Variants in SLC9A8 observed in about 807,000 individuals in gnomAD.
The protein encoded by SLC9A8 is sodium/hydrogen exchanger 8.
A neutral mutation model predicts 66.6 loss-of-function variants in SLC9A8; 48 were observed. The observed-to-expected ratio is 0.72, with a 90% CI of 0.57 to 0.92. SLC9A8 has a LOEUF of 0.92. SLC9A8 is among the 40% of genes least tolerant of loss of function. The pLI is 0.00. For synonymous variants in SLC9A8, 274 were observed against 282.6 expected (o/e 0.97, Z 0.31); for missense variants, 599 against 747.3 (o/e 0.80, Z 2.31).
chr20:49,839,385 A>G (rs772658775), intron 3 of SLC9A8, among the ~76,000 whole-genome samples, 156 bp from the exon 4 acceptor site: 2 of 152,172 alleles, frequency 1.3e-5, no homozygotes, highest in African/African-American at 4.8e-5. Flanking sequence ...CATGTGATAG[A>G]TGTCTCACGT....
chr20:49,887,466 G>A (rs2089932249), intron 15 of SLC9A8, among the ~76,000 whole-genome samples: 2 of 152,194 alleles, frequency 1.3e-5, no homozygotes, highest in South Asian at 4.1e-4. Context: ...CTGTGCAGTG[G>A]ATGCAGCTGT....
At chr20:49,878,564 A>T (rs998464515) in intron 12 of SLC9A8, among the ~76,000 whole-genome samples, 1 of 152,048 alleles carries the variant, frequency 6.6e-6, no homozygotes, top group Non-Finnish European at 1.5e-5. Context: ...AAATTTGTCT[A>T]TTTATATTTG....
intron 7 of SLC9A8, among the ~76,000 whole-genome samples, chr20:49,855,120 C>T (rs1218411033): frequency 6.6e-6 from 1 of 152,194 alleles, no homozygotes; most frequent in Non-Finnish European, 1.5e-5. Context: ...GCTCTAGCTG[C>T]TCTGACCCGT....
chr20:49,840,189 G>GT (rs1046719741), intron 4 of SLC9A8, among the ~76,000 whole-genome samples: 1 of 152,092 alleles, frequency 6.6e-6, no homozygotes, highest in Non-Finnish European at 1.5e-5. Context: ...AATATGCAGT[G>GT]TTTTCTCCAC....
At chr20:49,879,596 G>A (rs373821696) in intron 12 of SLC9A8, among the ~76,000 whole-genome samples, 10 of 151,830 alleles carry the variant, frequency 6.6e-5, no homozygotes, top group African/African-American at 2.2e-4. Context: ...AGGCTGAGGC[G>A]GGTGGATCAC....
chr20:49,855,529 C>G lies in SLC9A8; in HGVS notation c.661C>G (p.Leu221Val). Reference sequence around the variant, plus strand: ...TCATGTGGACCCCGTGCTCAACATGCTGGTCTTTGGAGAAAGTATTCTCAA... The same window carrying G: ...TCATGTGGACCCCGTGCTCAACATGGTGGTCTTTGGAGAAAGTATTCTCAA... ...ALHVDPVLNMLVFGESILNDA... is the reference protein window; with the variant it reads ...ALHVDPVLNMVVFGESILNDA... The change falls in exon 8 of 16, where the codon CTG (leucine) becomes GTG (valine). Residue 221 changes from leucine (L) to valine (V), a missense_variant. Physicochemically the swap from Leu to Val is conservative, Grantham distance 32. Around this residue, in one of 2 missense-constraint regions of SLC9A8, gnomAD observed 467 missense variants for 626.5 expected, o/e 0.75. Coordinates refer to ENST00000361573, the MANE Select transcript of SLC9A8 (RefSeq NM_015266.3). 6.2e-7 allele frequency: 1 copy of G among 1,614,198 alleles called. No homozygotes were observed. The highest frequency in any genetic ancestry group is 8.5e-7 in the Non-Finnish European group (1 of 1,180,028).
chr20:49,877,870 G>A (rs1296957157), intron 11 of SLC9A8, 111 bp from the exon 12 acceptor site: 4 of 667,478 alleles, frequency 6.0e-6, no homozygotes, highest in Non-Finnish European at 9.8e-6. Flanking sequence ...AAGAAAATAA[G>A]GAAAGTGTTG....
intron 10 of SLC9A8, among the ~76,000 whole-genome samples, chr20:49,874,209 GCAC>G: frequency 1.5e-4 from 1 of 6,700 alleles, no homozygotes; most frequent in East Asian, 8.3e-3. Context: ...AGCCAAGATC[GCAC>G]GCACTATTGC....
At chr20:49,854,106 A>T (rs2146631229) in intron 7 of SLC9A8, among the ~76,000 whole-genome samples, 1 of 152,236 alleles carries the variant, frequency 6.6e-6, no homozygotes, top group Middle Eastern at 3.4e-3. Context: ...TTGGGTCTCC[A>T]TGTTTTGGCT....
rs563767974 is a variant in SLC9A8, at chr20:49,874,052, C to G, written c.959-653C>G. ...ATCACCCGAGGTCAGGAGTTTGAGA[C>G]CAGCCTGGCCAACATGGTGAAACCT... On this transcript the variant is annotated intron_variant, in intron 10 of 15. Coordinates refer to ENST00000361573, the MANE Select transcript of SLC9A8 (RefSeq NM_015266.3). 7.6e-4 allele frequency among the ~76,000 whole-genome samples: 115 copies of G among 152,214 alleles called. 1 individual carries two copies. Among genetic ancestry groups the G allele is most frequent in the South Asian group, 5.2e-3 (25 of 4,826 alleles).
intron 10 of SLC9A8, among the ~76,000 whole-genome samples, chr20:49,873,033 G>A (rs182903637): frequency 5.9e-5 from 9 of 152,314 alleles, no homozygotes; most frequent in Admixed American, 3.3e-4. Context: ...GGCAGCGGAC[G>A]AATGTCGAGG....
chr20:49,824,478 T>C lies in SLC9A8; in HGVS notation c.289+1337T>C, dbSNP rs575669388. ...AGGCTCTAAGAACTACTCCAAGGAA[T>C]TTACAGTTGTGTGGTCAGTTTTATA... On this transcript the variant is annotated intron_variant, in intron 3 of 15. Transcript: ENST00000361573. 2.0e-5 allele frequency among the ~76,000 whole-genome samples: 3 copies of C among 152,342 alleles called. No individual in the cohort carries two copies. The South Asian group carries it at 6.2e-4, about 32-fold the overall frequency.
intron 6 of SLC9A8, among the ~76,000 whole-genome samples, chr20:49,850,562 T>A (rs1311261840): frequency 6.6e-6 from 1 of 152,218 alleles, no homozygotes; most frequent in Non-Finnish European, 1.5e-5. Context: ...TAAGTAAGAA[T>A]AAACTTAAGG....
At chr20:49,857,975 C>G (rs1404471585) in intron 8 of SLC9A8, among the ~76,000 whole-genome samples, 1 of 152,028 alleles carries the variant, frequency 6.6e-6, no homozygotes, top group Non-Finnish European at 1.5e-5. Flanking sequence ...ATATTCTTAC[C>G]AAATTTAGGA....
rs1244504365 is a variant in SLC9A8, at chr20:49,889,411, G to A, written c.*1475G>A. ...CCACATGGGCCAGCATGGACCCTGG[G>A]CTAGAGCAAGCACATCTCCATCTCT... On this transcript the variant is annotated 3_prime_UTR_variant, in exon 16 of 16. Coordinates refer to ENST00000361573, the MANE Select transcript of SLC9A8 (RefSeq NM_015266.3). 2 of 152,350 alleles carry A rather than the reference G, an allele frequency of 1.3e-5. No homozygotes were observed. The highest frequency in any genetic ancestry group is 2.9e-5 in the Non-Finnish European group (2 of 68,174). 9.4% of individuals were successfully genotyped at this position (152,350 alleles called of 1,614,324 possible). A position where few individuals can be genotyped will look rare whatever the true frequency, so the allele number is the denominator to read the frequency against.
Position 49,814,889 on chromosome 20 carries a change from G to T in SLC9A8, c.27-119G>T, listed in dbSNP as rs547387140. The T allele has an allele frequency of 3.2e-5, 24 of 760,178 alleles. No homozygotes were observed. The African/African-American group carries it at 3.8e-4, about 12-fold the overall frequency. The allele number at this position is 760,178 out of a possible 1,614,324, so 47.1% of individuals were successfully genotyped here. On this transcript the variant is annotated intron_variant, in intron 1 of 15. Transcript: ENST00000361573. The stretch of plus-strand genomic sequence containing the variant: ...GTAAGTTTCTCTCGAAGGCCTGCCT[G>T]TTAAAGACTTCTGAATCCCATAAAG...
intron 7 of SLC9A8, among the ~76,000 whole-genome samples, chr20:49,852,858 T>C (rs2088308572): frequency 6.6e-6 from 1 of 152,006 alleles, no homozygotes; most frequent in African/African-American, 2.4e-5. Context: ...TTTTGTTTTT[T>C]TCAGTTAATT....
intron 11 of SLC9A8, among the ~76,000 whole-genome samples, chr20:49,876,304 C>A (rs140739493): frequency 6.6e-6 from 1 of 152,144 alleles, no homozygotes; most frequent in African/African-American, 2.4e-5. Flanking sequence ...TAAAGCAAAT[C>A]GTCCATCCAA....
chr20:49,872,562 T>C (rs189644435), intron 10 of SLC9A8, among the ~76,000 whole-genome samples: 1 of 152,206 alleles, frequency 6.6e-6, no homozygotes, highest in African/African-American at 2.4e-5. Flanking sequence ...CTCGGCTCAC[T>C]GCATCCTCCA....
Sources: gnomAD v4.1 joint callset for allele counts (sites outside exome capture counted in the v4.1 genomes callset) on GRCh38, gnomAD v4.1.1 for gene constraint, gnomAD v4.1.1 regional missense constraint, MANE v1.5 for transcripts, NCBI Gene and HGNC (gene_info 2026-07-23, HGNC 2026-07-21) for gene names.